STK32B: variants seen among roughly 807,000 people sequenced by gnomAD.
STK32B encodes the protein serine/threonine-protein kinase 32B.
In STK32B, 43 loss-of-function variants were observed where a neutral mutation model predicts 52.6. The ratio of observed to expected loss-of-function variants is 0.82; its 90% CI spans 0.64 to 1.05. The LOEUF is 1.05. Among genes scored for constraint, STK32B ranks in the 50% least tolerant of loss-of-function variants. STK32B has a pLI of 0.00. For missense variants in STK32B, 621 were observed against 534.6 expected, an observed-to-expected ratio of 1.16 and a Z score of -1.59; for synonymous variants, 238 against 204.3, an observed-to-expected ratio of 1.17 and a Z score of -1.41.
chr4:5,389,641 G>C (rs10018659), intron 4 of STK32B, among the ~76,000 whole-genome samples: 7,307 of 152,158 alleles, frequency 0.048, 460 homozygotes, highest in Admixed American at 0.18. Flanking sequence ...AGAGACACTG[G>C]GAATAGGGAC....
intron 3 of STK32B, among the ~76,000 whole-genome samples, chr4:5,240,681 A>G (rs1405071707): frequency 6.6e-6 from 1 of 152,058 alleles, no homozygotes; most frequent in Non-Finnish European, 1.5e-5. Context: ...GCTGGTTTTG[A>G]ACTCCTGACC....
chr4:5,457,886 C>T lies in STK32B; in HGVS notation c.783+963C>T, dbSNP rs1380053065. On this transcript the variant is annotated intron_variant, in intron 8 of 11. Transcript: ENST00000282908. ...AAACTCTGAAAGAAGCGAGGCGAGG[C>T]GGAAGGGAGGGAGGGAGGGATGGAG... 8.6e-5 allele frequency among the ~76,000 whole-genome samples: 7 copies of T among 81,622 alleles called. No homozygotes were observed. The South Asian group carries it at 1.4e-3, about 17-fold the overall frequency. The allele number at this position is 81,622 out of a possible 152,430, so 53.5% of individuals were successfully genotyped here. A position where few individuals can be genotyped will look rare whatever the true frequency, so the allele number is the denominator to read the frequency against.
At chr4:5,311,901 T>TA (rs1393142330) in intron 3 of STK32B, among the ~76,000 whole-genome samples, 1 of 137,202 alleles carries the variant, frequency 7.3e-6, no homozygotes, top group African/African-American at 3.4e-5. Flanking sequence ...AGTGCATACT[T>TA]TTATATATAT....
intron 1 of STK32B, among the ~76,000 whole-genome samples, chr4:5,100,662 T>G (rs185926530): frequency 0.012 from 1,033 of 84,380 alleles, 12 homozygotes; most frequent in Non-Finnish European, 0.018. Flanking sequence ...TTCTCTTTCA[T>G]TCTTTCTTTC....
chr4:5,349,118 T>A (rs1733663575), intron 4 of STK32B, among the ~76,000 whole-genome samples: 1 of 151,962 alleles, frequency 6.6e-6, no homozygotes, highest in African/African-American at 2.4e-5. Context: ...CCCACCAAAC[T>A]TCCTGGCCCA....
At chr4:5,315,427 CACTT>C (rs1473599485) in intron 3 of STK32B, among the ~76,000 whole-genome samples, 1 of 146,032 alleles carries the variant, frequency 6.8e-6, no homozygotes. Context: ...TACTCAGCAA[CACTT>C]ACTGAGTATT....
At chr4:5,053,376 G>A (rs1305310332) in intron 1 of STK32B, among the ~76,000 whole-genome samples, 1 of 152,152 alleles carries the variant, frequency 6.6e-6, no homozygotes, top group Non-Finnish European at 1.5e-5. Context: ...AGGTAATGGA[G>A]GCTCTTGCAT....
intron 1 of STK32B, among the ~76,000 whole-genome samples, chr4:5,090,370 CTTTTTT>C (rs754643704): frequency 1.8e-5 from 1 of 56,544 alleles, no homozygotes; most frequent in Non-Finnish European, 3.6e-5. Context: ...TTTAATCCAT[CTTTTTT>C]TTTTTTTTTT....
At chr4:5,117,126 C>T in intron 1 of STK32B, among the ~76,000 whole-genome samples, 1 of 152,110 alleles carries the variant, frequency 6.6e-6, no homozygotes, top group Non-Finnish European at 1.5e-5. Context: ...AATTTGAATG[C>T]ATTTTCTTTT....
intron 3 of STK32B, among the ~76,000 whole-genome samples, chr4:5,213,930 A>G (rs1723043407): frequency 6.6e-6 from 1 of 152,210 alleles, no homozygotes; most frequent in Admixed American, 6.5e-5. Flanking sequence ...ACCGCTCCCA[A>G]TCTTGAGGTC....
At position 5,317,065 on chromosome 4, in the gene STK32B, AATATATT is replaced by A. The variant is rs1342994805; in HGVS notation, c.261-14141_261-14135del. 9.4e-3 allele frequency among the ~76,000 whole-genome samples: 324 copies of A among 34,290 alleles called. 18 individuals are homozygous for A. The highest frequency in any genetic ancestry group is 0.011 in the Non-Finnish European group (287 of 25,034). The allele number at this position is 34,290 out of a possible 152,430, so 22.5% of individuals were successfully genotyped here. A position where few individuals can be genotyped will look rare whatever the true frequency, so the allele number is the denominator to read the frequency against. On this transcript the variant is annotated intron_variant, in intron 3 of 11. Transcript: ENST00000282908. ...ATTATATATATAATATATATGATAT[AATATATT>A]ATATATTATATATATAATATATATG...
At chr4:5,146,148 A>T (rs184566516) in intron 2 of STK32B, among the ~76,000 whole-genome samples, 1 of 151,942 alleles carries the variant, frequency 6.6e-6, no homozygotes, top group East Asian at 1.9e-4. Context: ...GGACAGAATT[A>T]ATAGGATATA....
At chr4:5,074,207 T>C (rs961189303) in intron 1 of STK32B, among the ~76,000 whole-genome samples, 4 of 151,702 alleles carry the variant, frequency 2.6e-5, no homozygotes, top group African/African-American at 9.7e-5. Flanking sequence ...TGTGTGTGTG[T>C]GTGCGCGTGC....
intron 3 of STK32B, among the ~76,000 whole-genome samples, chr4:5,217,676 G>C (rs1248822762): frequency 6.6e-6 from 1 of 152,178 alleles, no homozygotes; most frequent in Non-Finnish European, 1.5e-5. Context: ...TTTGGAGAAC[G>C]TAAGATCTCA....
chr4:5,186,028 G>A (rs891484337), intron 3 of STK32B, among the ~76,000 whole-genome samples: 3 of 152,150 alleles, frequency 2.0e-5, no homozygotes, highest in Non-Finnish European at 4.4e-5. Flanking sequence ...CGGTCACTGC[G>A]AGAACTCCTG....
chr4:5,170,476 C>A (rs1373862026), intron 3 of STK32B, among the ~76,000 whole-genome samples: 1 of 151,468 alleles, frequency 6.6e-6, no homozygotes, highest in Non-Finnish European at 1.5e-5. Context: ...CACCCCACAA[C>A]AGTCTCTGGA....
At chr4:5,320,881 A>G (rs974736940) in intron 3 of STK32B, among the ~76,000 whole-genome samples, 5 of 152,194 alleles carry the variant, frequency 3.3e-5, no homozygotes, top group African/African-American at 1.2e-4. Flanking sequence ...TTCCCACTTA[A>G]ATAATGGGAA....
chr4:5,272,054 G>T (rs1263985289), intron 3 of STK32B, among the ~76,000 whole-genome samples: 7 of 147,820 alleles, frequency 4.7e-5, no homozygotes, highest in African/African-American at 1.8e-4. Context: ...GAATAGGAGT[G>T]GTGAGAGAGG....
chr4:5,402,092 G>A (rs746935628), intron 5 of STK32B, among the ~76,000 whole-genome samples: 1 of 152,246 alleles, frequency 6.6e-6, no homozygotes, highest in Non-Finnish European at 1.5e-5. Flanking sequence ...AGGAGCAAGA[G>A]CAGGAGAGCC....
Sources: gnomAD v4.1 joint callset for allele counts (sites outside exome capture counted in the v4.1 genomes callset) on GRCh38, gnomAD v4.1.1 for gene constraint, MANE v1.5 for transcripts, NCBI Gene and HGNC (gene_info 2026-07-23, HGNC 2026-07-21) for gene names.